The following KCNMB3 variants were observed in gnomAD, a reference collection of about 807,000 sequenced individuals.
KCNMB3 encodes potassium calcium-activated channel subfamily M regulatory beta subunit 3, also known as calcium-activated potassium channel subunit beta-3.
A neutral mutation model predicts 11.9 loss-of-function variants in KCNMB3; 18 were observed. That is an observed-to-expected ratio of 1.51 (90% confidence interval 1.04 to 2.23). The LOEUF (loss-of-function observed/expected upper bound fraction) is 2.23. Among genes scored for constraint, KCNMB3 ranks in the 30% most tolerant of loss-of-function variants. The probability of loss-of-function intolerance (pLI) is 0.00; values close to 1 mark genes in which losing one functional copy is unlikely to be tolerated. For missense variants in KCNMB3, 247 were observed against 329.4 expected (o/e 0.75, Z 1.94); for synonymous variants, 78 against 119.2 (o/e 0.65, Z 2.25).
intron 2 of KCNMB3, 102 bp downstream of exon 2, chr3:179,244,393 G>A: frequency 1.1e-6 from 1 of 886,606 alleles, no homozygotes; most frequent in South Asian, 1.5e-5. Context: ...CAAAAAAATA[G>A]ATTTATCCCT....
At chr3:179,251,247 C>A, upstream of KCNMB3, 1 of 1,489,094 alleles carries the variant, frequency 6.7e-7, no homozygotes, top group Non-Finnish European at 8.9e-7. Flanking sequence ...GTGTTACGAA[C>A]TTTGTTATCT....
chr3:179,259,416 A>G (rs1726129056), intron 1 of KCNMB3: 1 of 1,599,246 alleles, frequency 6.3e-7, no homozygotes, highest in Admixed American at 1.7e-5. Flanking sequence ...CTCAAAATCT[A>G]ATGTGTCTCT....
intron 1 of KCNMB3, among the ~76,000 whole-genome samples, chr3:179,262,770 T>C (rs1726261073): frequency 6.6e-6 from 1 of 152,224 alleles, no homozygotes; most frequent in African/African-American, 2.4e-5. Flanking sequence ...ATTAGCTAGA[T>C]ACAGAGTGTG....
chr3:179,259,327 T>C (rs1726124863), intron 1 of KCNMB3: 63 of 1,565,314 alleles, frequency 4.0e-5, no homozygotes, highest in Non-Finnish European at 5.3e-5. Context: ...GCACCAGCTA[T>C]TTTAGCATTA....
chr3:179,245,656 C>T (rs763975621), intron 1 of KCNMB3, among the ~76,000 whole-genome samples: 4 of 151,998 alleles, frequency 2.6e-5, no homozygotes, highest in South Asian at 2.1e-4. Context: ...CGCACCATCA[C>T]GCCCAGCTAA....
intron 1 of KCNMB3, chr3:179,259,720 TTTTC>T (rs1316370796): frequency 3.1e-6 from 5 of 1,588,446 alleles, no homozygotes; most frequent in Non-Finnish European, 4.3e-6. Context: ...TTCCTCTTCT[TTTTC>T]TTTTTCTTGT....
downstream of KCNMB3, chr3:179,241,479 T>C (rs1057129111): frequency 1.3e-5 from 2 of 154,386 alleles, no homozygotes; most frequent in Admixed American, 6.5e-5. Flanking sequence ...TCGAAATTAA[T>C]TGCTAAAAGG....
chr3:179,254,974 G>A (rs1010326486), upstream of KCNMB3, among the ~76,000 whole-genome samples: 7 of 152,006 alleles, frequency 4.6e-5, no homozygotes, highest in East Asian at 1.9e-4. Context: ...AGACGAGCCC[G>A]GCCAACATGG....
intron 1 of KCNMB3, among the ~76,000 whole-genome samples, chr3:179,250,102 G>A (rs1725783899): frequency 6.6e-6 from 1 of 152,096 alleles, no homozygotes; most frequent in Non-Finnish European, 1.5e-5. Flanking sequence ...AAATGGAAGT[G>A]GATCATCATA....
intron 1 of KCNMB3, among the ~76,000 whole-genome samples, chr3:179,247,486 T>C (rs1725683023): frequency 1.3e-5 from 2 of 151,480 alleles, no homozygotes; most frequent in Non-Finnish European, 2.9e-5. Context: ...CATAGTGAGA[T>C]CCCACTTCTT....
chr3:179,261,427 C>T (rs1003357544), intron 1 of KCNMB3, among the ~76,000 whole-genome samples: 3 of 151,988 alleles, frequency 2.0e-5, no homozygotes, highest in African/African-American at 7.2e-5. Flanking sequence ...GGCCAAGAGC[C>T]AGCCCGCCGG....
chr3:179,266,665 G>A (rs1372650012), exon 1 of KCNMB3: 12 of 1,614,002 alleles, frequency 7.4e-6, no homozygotes, highest in Admixed American at 3.3e-5. Flanking sequence ...TGGCGCCTCC[G>A]GCTGCCCTGA....
At chr3:179,263,348 C>T (rs944126675) in intron 1 of KCNMB3, among the ~76,000 whole-genome samples, 6 of 152,212 alleles carry the variant, frequency 3.9e-5, no homozygotes, top group South Asian at 4.1e-4. Flanking sequence ...CGGACTGGCC[C>T]GCAAGCTCCG....
upstream of KCNMB3, chr3:179,251,283 G>A: frequency 6.9e-7 from 1 of 1,448,524 alleles, no homozygotes; most frequent in Non-Finnish European, 9.0e-7. Flanking sequence ...CGTCCCTCCT[G>A]AAAATTTGTT....
At chr3:179,261,350 CA>C (rs1482633888) in intron 1 of KCNMB3, 16 of 1,161,662 alleles carry the variant, frequency 1.4e-5, no homozygotes, top group Non-Finnish European at 1.5e-5. Flanking sequence ...CGGGCCGGGC[CA>C]GGGGGCGCGC....
At chr3:179,261,373 G>T in intron 1 of KCNMB3, 2 of 1,126,276 alleles carry the variant, frequency 1.8e-6, no homozygotes, top group Non-Finnish European at 2.2e-6. Context: ...CTCTGTCCGC[G>T]GAGACGGAGC....
At chr3:179,244,763 T>C in intron 1 of KCNMB3, 70 bp from the exon 2 acceptor site, 2 of 1,371,298 alleles carry the variant, frequency 1.5e-6, no homozygotes, top group South Asian at 1.2e-5. Flanking sequence ...GGTGTGGTTA[T>C]GAGCTTATGT....
chr3:179,257,510 A>C (rs1037876417), intron 1 of KCNMB3, among the ~76,000 whole-genome samples: 31 of 152,318 alleles, frequency 2.0e-4, no homozygotes, highest in Middle Eastern at 3.4e-3. Flanking sequence ...CAGGCAGATC[A>C]AAACAAGAAT....
chr3:179,242,667 A>G (rs1442432440), downstream of KCNMB3: 1 of 625,954 alleles, frequency 1.6e-6, no homozygotes, highest in Non-Finnish European at 2.3e-6. Context: ...CAGGAAAAAA[A>G]ACAGTGCTTC....
Sources: allele counts gnomAD v4.1 joint callset (sites outside exome capture counted in the v4.1 genomes callset), GRCh38; gene constraint gnomAD v4.1.1; transcripts MANE v1.5; gene names NCBI Gene and HGNC (gene_info 2026-07-23, HGNC 2026-07-21).